The following CDH12 variants were observed in gnomAD, a reference collection of about 807,000 sequenced individuals.
CDH12 encodes cadherin-12.
A neutral mutation model predicts 74.1 loss-of-function variants in CDH12; 41 were observed. The observed-to-expected ratio is 0.55, with a 90% CI of 0.43 to 0.72. The LOEUF (loss-of-function observed/expected upper bound fraction) is 0.72. CDH12 is among the 30% of genes least tolerant of loss of function. CDH12 has a pLI of 0.00. For synonymous variants in CDH12, 399 were observed against 355.0 expected (o/e 1.12, Z -1.39); for missense variants, 945 against 977.2 (o/e 0.97, Z 0.44).
intron 6 of CDH12, among the ~76,000 whole-genome samples, chr5:21,927,527 G>A (rs1265321092): frequency 6.6e-6 from 1 of 151,720 alleles, no homozygotes; most frequent in African/African-American, 2.4e-5. Flanking sequence ...GGAGGCGGAA[G>A]TTGCAGTGAC....
At chr5:22,382,079 A>G (rs532372125) in intron 3 of CDH12, among the ~76,000 whole-genome samples, 6 of 147,150 alleles carry the variant, frequency 4.1e-5, no homozygotes, top group Non-Finnish European at 7.5e-5. Context: ...TACATAATAT[A>G]ATAGAAATAT....
At chr5:22,172,581 T>A (rs192148804) in intron 4 of CDH12, 3 of 151,808 alleles carry the variant, frequency 2.0e-5, no homozygotes, top group Non-Finnish European at 4.4e-5. Context: ...ACTTCTTTCA[T>A]CAGGAACTGG....
chr5:22,325,741 T>G (rs1405644985), intron 3 of CDH12, among the ~76,000 whole-genome samples: 2 of 152,000 alleles, frequency 1.3e-5, no homozygotes, highest in Admixed American at 6.6e-5. Context: ...AAAAAAAATC[T>G]ACTAAAAATA....
chr5:22,056,981 T>G (rs1445413762), intron 5 of CDH12, among the ~76,000 whole-genome samples: 1 of 152,170 alleles, frequency 6.6e-6, no homozygotes, highest in Admixed American at 6.6e-5. Flanking sequence ...AGACACAAGA[T>G]GGAGTGAGCA....
intron 9 of CDH12, among the ~76,000 whole-genome samples, chr5:21,813,653 C>A (rs193161553): frequency 1.3e-5 from 2 of 152,302 alleles, no homozygotes; most frequent in African/African-American, 4.8e-5. Context: ...TCACTTCATT[C>A]CAGCCCCACT....
chr5:22,845,078 T>C (rs769764653), intron 1 of CDH12, among the ~76,000 whole-genome samples: 14 of 152,146 alleles, frequency 9.2e-5, no homozygotes, highest in Non-Finnish European at 2.1e-4. Context: ...ATTGAGCACA[T>C]TATACATAGT....
intron 4 of CDH12, among the ~76,000 whole-genome samples, chr5:22,182,816 A>G (rs1047102203): frequency 1.3e-5 from 2 of 151,692 alleles, no homozygotes; most frequent in Non-Finnish European, 2.9e-5. Context: ...CAAATGATCA[A>G]CACTATAAGT....
intron 1 of CDH12, among the ~76,000 whole-genome samples, chr5:22,680,383 T>G (rs1270316468): frequency 1.3e-5 from 2 of 152,068 alleles, no homozygotes; most frequent in Admixed American, 1.3e-4. Context: ...TTGTAATTAT[T>G]TTTGATCTTT....
intron 11 of CDH12, among the ~76,000 whole-genome samples, chr5:21,776,342 T>G (rs1390891969): frequency 6.6e-6 from 1 of 152,116 alleles, no homozygotes; most frequent in Non-Finnish European, 1.5e-5. Flanking sequence ...CTAACTCTCC[T>G]AACTGTAAAA....
At chr5:22,696,648 A>G (rs902186120) in intron 1 of CDH12, among the ~76,000 whole-genome samples, 1 of 152,160 alleles carries the variant, frequency 6.6e-6, no homozygotes, top group African/African-American at 2.4e-5. Context: ...GTAGCTTAAC[A>G]TATTTGTTAA....
At chr5:22,358,887 C>T (rs1740678058) in intron 3 of CDH12, among the ~76,000 whole-genome samples, 1 of 152,104 alleles carries the variant, frequency 6.6e-6, no homozygotes, top group South Asian at 2.1e-4. Flanking sequence ...CTGTTTAATT[C>T]ATATCAGAAA....
chr5:22,047,340 G>C (rs1311641907), intron 5 of CDH12, among the ~76,000 whole-genome samples: 2 of 151,884 alleles, frequency 1.3e-5, no homozygotes, highest in Admixed American at 1.3e-4. Context: ...TTTTCACCTG[G>C]TACCAGATCT....
At chr5:22,449,738 A>G (rs1744969418) in intron 2 of CDH12, among the ~76,000 whole-genome samples, 1 of 152,050 alleles carries the variant, frequency 6.6e-6, no homozygotes, top group Non-Finnish European at 1.5e-5. Flanking sequence ...CTTATTTTAT[A>G]TCTGTTATAT....
At chr5:21,894,173 G>A (rs1376697714) in intron 6 of CDH12, among the ~76,000 whole-genome samples, 2 of 152,066 alleles carry the variant, frequency 1.3e-5, no homozygotes, top group Non-Finnish European at 2.9e-5. Flanking sequence ...GAGGTCAGCA[G>A]TTCGAGACCA....
At chr5:22,554,716 A>ATAAAGTGACTTAC (rs1195878082) in intron 1 of CDH12, among the ~76,000 whole-genome samples, 2 of 152,110 alleles carry the variant, frequency 1.3e-5, no homozygotes, top group Non-Finnish European at 2.9e-5. Context: ...ATCTGCTAGC[A>ATAAAGTGACTTAC]TAAAGTGACT....
At position 21,905,844 on chromosome 5, in the gene CDH12, A is replaced by G. The variant is rs189503284; in HGVS notation, c.527-51054T>C. 4.2e-3 allele frequency among the ~76,000 whole-genome samples: 632 copies of G among 152,208 alleles called. 3 individuals are homozygous for G. Among genetic ancestry groups the G allele is most frequent in the African/African-American group, 0.014 (596 of 41,502 alleles). On this transcript the variant is annotated intron_variant, in intron 6 of 14. Transcript: ENST00000382254. ...AAAATACTGGATGTGATTTGCATTT[A>G]TTTGAACATATGTTTATTGTCAGTA...
At chr5:22,021,739 T>C (rs1030193606) in intron 5 of CDH12, among the ~76,000 whole-genome samples, 1 of 152,230 alleles carries the variant, frequency 6.6e-6, no homozygotes, top group African/African-American at 2.4e-5. Context: ...GTAAAAAATA[T>C]GTATAGATTG....
intron 4 of CDH12, among the ~76,000 whole-genome samples, chr5:22,084,977 C>T (rs1274782637): frequency 6.6e-6 from 1 of 152,134 alleles, no homozygotes; most frequent in East Asian, 1.9e-4. Flanking sequence ...AATATGTGAA[C>T]CTTAAGGAAG....
chr5:22,741,744 T>C (rs567426971), intron 1 of CDH12, among the ~76,000 whole-genome samples: 2 of 152,272 alleles, frequency 1.3e-5, no homozygotes, highest in Admixed American at 6.5e-5. Flanking sequence ...TGGTCAAGCA[T>C]TGGATCAGAA....
Sources: allele counts gnomAD v4.1 joint callset (sites outside exome capture counted in the v4.1 genomes callset), GRCh38; gene constraint gnomAD v4.1.1; transcripts MANE v1.5; gene names NCBI Gene and HGNC (gene_info 2026-07-23, HGNC 2026-07-21).